Variants in RGS7 observed in about 807,000 individuals in gnomAD.
RGS7 encodes regulator of G-protein signaling 7.
A neutral mutation model predicts 81.1 loss-of-function variants in RGS7; 27 were observed. That is an observed-to-expected ratio of 0.33 (90% confidence interval 0.25 to 0.46). RGS7 has a LOEUF of 0.46. Among genes scored for constraint, RGS7 ranks in the 20% least tolerant of loss-of-function variants. RGS7 has a pLI of 1.00. For synonymous variants in RGS7, 208 were observed against 207.7 expected, an observed-to-expected ratio of 1.00 and a Z score of -0.01; for missense variants, 396 against 607.4, an observed-to-expected ratio of 0.65 and a Z score of 3.66.
intron 2 of RGS7, among the ~76,000 whole-genome samples, chr1:241,132,864 G>A (rs1264188691): frequency 2.0e-5 from 3 of 152,068 alleles, no homozygotes; most frequent in Admixed American, 6.6e-5. Flanking sequence ...CTGGGTTCAC[G>A]CCATTCTCCT....
chr1:241,105,297 G>C (rs930202900), intron 2 of RGS7, among the ~76,000 whole-genome samples: 1 of 152,150 alleles, frequency 6.6e-6, no homozygotes, highest in Non-Finnish European at 1.5e-5. Flanking sequence ...TGACACTCAA[G>C]TTCATTGCCA....
intron 3 of RGS7, among the ~76,000 whole-genome samples, chr1:241,061,279 T>C (rs984181232): frequency 7.9e-5 from 12 of 152,210 alleles, no homozygotes; most frequent in Non-Finnish European, 1.5e-4. Flanking sequence ...TAAACATGCG[T>C]TTGAGTCATT....
chr1:241,093,084 T>G (rs918193070), intron 3 of RGS7, among the ~76,000 whole-genome samples: 1 of 152,178 alleles, frequency 6.6e-6, no homozygotes, highest in African/African-American at 2.4e-5. Flanking sequence ...AATACATTTA[T>G]TTTATTGTTT....
chr1:240,786,958 T>G (rs1411822453), intron 18 of RGS7, among the ~76,000 whole-genome samples: 2 of 152,166 alleles, frequency 1.3e-5, no homozygotes, highest in African/African-American at 4.8e-5. Context: ...TACTAGAACT[T>G]GAATTACTGA....
intron 10 of RGS7, among the ~76,000 whole-genome samples, chr1:240,821,003 G>T (rs1221173753): frequency 6.6e-6 from 1 of 152,150 alleles, no homozygotes; most frequent in African/African-American, 2.4e-5. Flanking sequence ...AGAACAGATT[G>T]TGACCATATC....
intron 4 of RGS7, among the ~76,000 whole-genome samples, chr1:240,944,260 A>ATGTG (rs35591630): frequency 0.012 from 625 of 51,720 alleles, 34 homozygotes; most frequent in East Asian, 0.072. Flanking sequence ...GTTATATTAT[A>ATGTG]TGTGTGTGTG....
chr1:241,157,718 G>T (rs564525723), intron 2 of RGS7, among the ~76,000 whole-genome samples: 1 of 150,820 alleles, frequency 6.6e-6, no homozygotes, highest in South Asian at 2.1e-4. Flanking sequence ...TTCAGTGGTT[G>T]AAAAAAATAA....
intron 2 of RGS7, among the ~76,000 whole-genome samples, chr1:241,262,960 A>G (rs1259434503): frequency 6.6e-6 from 1 of 152,144 alleles, no homozygotes; most frequent in Non-Finnish European, 1.5e-5. Flanking sequence ...TTAGCCAGGC[A>G]TGGTGGCGGA....
rs145183501 is a variant in RGS7, at chr1:241,078,485, A to ATATGTGTG, written c.175+20180_175+20181insCACACATA. ...CATAATGCACACACACACGTAAGTTATGTGTGTGTGTGTGTGTATATACAC... is the reference window on the plus strand; with the variant it reads ...CATAATGCACACACACACGTAAGTTATATGTGTGTGTGTGTGTGTGTGTGTATATACAC... On this transcript the variant is annotated intron_variant, in intron 3 of 18. Transcript: ENST00000440928. Among the ~76,000 whole-genome samples the ATATGTGTG allele has an allele frequency of 1.0e-3, 143 of 143,610 alleles. 3 individuals are homozygous for ATATGTGTG. The highest frequency in any genetic ancestry group is 3.5e-3 in the African/African-American group (136 of 38,788). The allele number at this position is 143,610 out of a possible 152,430, so 94.2% of individuals were successfully genotyped here.
At chr1:241,147,780 T>TTTTTTATATA (rs1428939736) in intron 2 of RGS7, among the ~76,000 whole-genome samples, 12 of 44,646 alleles carry the variant, frequency 2.7e-4, no homozygotes, top group Admixed American at 7.3e-4. Flanking sequence ...AGATTAAGTT[T>TTTTTTATATA]TATATATATA....
At chr1:241,183,050 C>T (rs529463990) in intron 2 of RGS7, among the ~76,000 whole-genome samples, 18 of 151,706 alleles carry the variant, frequency 1.2e-4, no homozygotes, top group Non-Finnish European at 2.2e-4. Context: ...CTGCTGTGTG[C>T]TTGCTAGTCC....
intron 3 of RGS7, among the ~76,000 whole-genome samples, chr1:241,032,015 T>C (rs2060107480): frequency 6.6e-6 from 1 of 152,256 alleles, no homozygotes; most frequent in Admixed American, 6.5e-5. Flanking sequence ...TTTTGTTACT[T>C]GTGCTTTTGA....
intron 10 of RGS7, among the ~76,000 whole-genome samples, chr1:240,819,466 C>G (rs964104515): frequency 6.6e-6 from 1 of 152,152 alleles, no homozygotes; most frequent in South Asian, 2.1e-4. Flanking sequence ...CGAGGCCGGG[C>G]GTGGTGGCTC....
chr1:241,244,832 T>C (rs977748714), intron 2 of RGS7, among the ~76,000 whole-genome samples: 19 of 151,758 alleles, frequency 1.3e-4, no homozygotes, highest in Admixed American at 3.9e-4. Flanking sequence ...TGGAAACCAT[T>C]ATTCTCAGCA....
Position 240,862,925 on chromosome 1 carries a change from ATGTGTGTGTG to A in RGS7, c.609+5652_609+5661del, listed in dbSNP as rs150023240. Among the ~76,000 whole-genome samples, 448 of 144,646 alleles carry A rather than the reference ATGTGTGTGTG, an allele frequency of 3.1e-3. 3 individuals carry two copies. Among genetic ancestry groups the A allele is most frequent in the African/African-American group, 0.01 (401 of 39,978 alleles). 94.9% of individuals were successfully genotyped at this position (144,646 alleles called of 152,430 possible). ...TACGAATAATTTCTGTAAACTAAATATGTGTGTGTGTGTGTGTGTGTGTGTGTGTGTTTGT... is the reference window on the plus strand; with the variant it reads ...TACGAATAATTTCTGTAAACTAAATATGTGTGTGTGTGTGTGTGTGTTTGT... On this transcript the variant is annotated intron_variant, in intron 9 of 18. Coordinates refer to ENST00000440928, the MANE Select transcript of RGS7 (RefSeq NM_001364886.1).
rs138257047 is a variant in RGS7 at position 241,015,707 on chromosome 1, T to C, written c.176-32578A>G. ...ACCATTACTATCAAGTGAATTTATGTAAGTTAATCTAAGAAATGGCAATGA... is the reference window on the plus strand; with the variant it reads ...ACCATTACTATCAAGTGAATTTATGCAAGTTAATCTAAGAAATGGCAATGA... On this transcript the variant is annotated intron_variant, in intron 3 of 18. Transcript: ENST00000440928. 6.2e-3 allele frequency among the ~76,000 whole-genome samples: 948 copies of C among 152,370 alleles called. 8 individuals are homozygous for C. Among genetic ancestry groups the C allele is most frequent in the African/African-American group, 0.021 (888 of 41,592 alleles).
chr1:241,174,698 A>C (rs1424301173), intron 2 of RGS7, among the ~76,000 whole-genome samples: 1 of 152,090 alleles, frequency 6.6e-6, no homozygotes, highest in Non-Finnish European at 1.5e-5. Context: ...ATTTGCAAAA[A>C]GTTAGCAAAA....
In RGS7 at chr1:241,232,760, T is replaced by A. The variant is rs116501152; in HGVS notation, c.78+122939A>T. On this transcript the variant is annotated intron_variant, in intron 2 of 18. Coordinates refer to ENST00000440928, the MANE Select transcript of RGS7 (RefSeq NM_001364886.1). ...CTGCAGAACGACAGTCTTAACTACA[T>A]AGAATCTTCCTATCTGTGAACACGT... Among the ~76,000 whole-genome samples the A allele has an allele frequency of 7.1e-3, 1,087 of 152,164 alleles. 18 individuals are homozygous for A. Among genetic ancestry groups the A allele is most frequent in the African/African-American group, 0.025 (1,033 of 41,534 alleles).
intron 18 of RGS7, among the ~76,000 whole-genome samples, chr1:240,789,273 G>A (rs975451335): frequency 2.0e-5 from 3 of 152,294 alleles, no homozygotes; most frequent in South Asian, 4.2e-4. Flanking sequence ...ATAAGCTGAG[G>A]AGGATGTATG....
Sources: gnomAD v4.1 joint callset for allele counts (sites outside exome capture counted in the v4.1 genomes callset) on GRCh38, gnomAD v4.1.1 for gene constraint, MANE v1.5 for transcripts, NCBI Gene and HGNC (gene_info 2026-07-23, HGNC 2026-07-21) for gene names.